CACNA1B: variants seen among roughly 807,000 people sequenced by gnomAD.
CACNA1B encodes the protein voltage-dependent N-type calcium channel subunit alpha-1B.
Under a neutral mutation model 247.2 loss-of-function variants are expected in CACNA1B, and 70 were observed. The ratio of observed to expected loss-of-function variants is 0.28; its 90% confidence interval spans 0.23 to 0.35. CACNA1B has a LOEUF of 0.35. Among genes scored for constraint, CACNA1B ranks in the 10% least tolerant of loss-of-function variants. CACNA1B has a pLI of 1.00. For synonymous variants in CACNA1B, 1,231 were observed against 1,294.4 expected, an observed-to-expected ratio of 0.95 and a Z score of 1.05; for missense variants, 2,367 against 3,197.4, an observed-to-expected ratio of 0.74 and a Z score of 6.26.
At chr9:138,095,600 A>C (rs111947612) in intron 36 of CACNA1B, among the ~76,000 whole-genome samples, 5 of 152,372 alleles carry the variant, frequency 3.3e-5, no homozygotes, top group African/African-American at 1.2e-4. Flanking sequence ...CATATGACCC[A>C]GTAATTTCAC....
chr9:138,047,105 G>A (rs949260768), intron 22 of CACNA1B, 72 bp downstream of exon 22: 3 of 1,446,790 alleles, frequency 2.1e-6, no homozygotes, highest in Non-Finnish European at 2.8e-6. Context: ...AGGGGCCCAA[G>A]GGGCTGGGGT....
At chr9:138,090,628 G>A (rs114282131) in intron 36 of CACNA1B, among the ~76,000 whole-genome samples, 2,678 of 122,138 alleles carry the variant, frequency 0.022, 87 homozygotes, top group African/African-American at 0.077. Flanking sequence ...CAGAATCAGA[G>A]AAAATATTGC....
chr9:138,112,272 G>A (rs1448388446), intron 39 of CACNA1B, 126 bp from the exon 40 acceptor site: 8 of 683,374 alleles, frequency 1.2e-5, no homozygotes, highest in Admixed American at 4.2e-5. Context: ...TTCCAGCACC[G>A]TCTGTACCCC....
chr9:137,961,528 T>C (rs1958021386), intron 10 of CACNA1B, among the ~76,000 whole-genome samples: 1 of 152,220 alleles, frequency 6.6e-6, no homozygotes, highest in Admixed American at 6.5e-5. Flanking sequence ...CTTATTATTC[T>C]GAGGTATGTC....
In CACNA1B at chr9:138,073,404, G is replaced by A; in HGVS notation, c.4675-84G>A. 2.6e-6 allele frequency: 2 copies of A among 775,306 alleles called. No homozygotes were observed. The highest frequency in any genetic ancestry group is 4.6e-6 in the Non-Finnish European group (2 of 433,134). The allele number at this position is 775,306 out of a possible 1,614,324, so 48.0% of individuals were successfully genotyped here. ...CACTTTTCTTTGGGGCCACAGGGAT[G>A]TGGGAAGAGGTTGTAGGGTGGCAGC... On this transcript the variant is annotated intron_variant, in intron 32 of 46. Coordinates refer to ENST00000371372, the MANE Select transcript of CACNA1B (RefSeq NM_000718.4). The surrounding 1 kb of genome is among the most constrained non-coding windows in gnomAD (Gnocchi z 6.4).
rs960127807 is a variant in CACNA1B, at chr9:137,882,643, T to G, written c.391-101T>G. ...AGGAGGGTCAGACCCTCACGATAGC[T>G]GTGGCCTGCACATGGTGGGGTGGGG... is the stretch of plus-strand genomic sequence containing the variant. On this transcript the variant is annotated intron_variant, in intron 2 of 46. Coordinates refer to ENST00000371372, the MANE Select transcript of CACNA1B (RefSeq NM_000718.4). This position sits in a 1 kb window ranked among gnomAD's most constrained non-coding sequence, Gnocchi z 4.0. The G allele has an allele frequency of 1.5e-6, 2 of 1,363,776 alleles. No individual in the cohort carries two copies. The allele number at this position is 1,363,776 out of a possible 1,614,324, so 84.5% of individuals were successfully genotyped here. A position where few individuals can be genotyped will look rare whatever the true frequency, so the allele number is the denominator to read the frequency against.
chr9:137,966,287 C>T (rs980691359), intron 10 of CACNA1B, among the ~76,000 whole-genome samples: 3 of 149,906 alleles, frequency 2.0e-5, no homozygotes, highest in African/African-American at 2.5e-5. Context: ...TGCAGTGGCG[C>T]GATCTTGGCT....
At chr9:137,982,062 G>A (rs1958300611) in intron 12 of CACNA1B, among the ~76,000 whole-genome samples, 1 of 152,142 alleles carries the variant, frequency 6.6e-6, no homozygotes, top group Non-Finnish European at 1.5e-5. Context: ...AATCTGTATT[G>A]ACTTTTCCTG....
In CACNA1B at chr9:137,905,757, G is replaced by A. The variant is rs370384009; in HGVS notation, c.531-7423G>A. On this transcript the variant is annotated intron_variant, in intron 3 of 46. Transcript: ENST00000371372. ...ATCATAACTCAAAAAATATTAATTC[G>A]GAAAATCTGATTTCCACAAACATTG... 2.9e-4 allele frequency among the ~76,000 whole-genome samples: 44 copies of A among 152,236 alleles called. 1 individual carries two copies. The South Asian group carries it at 4.2e-3, about 14-fold the overall frequency.
intron 31 of CACNA1B, among the ~76,000 whole-genome samples, chr9:138,060,735 C>G (rs1460631428): frequency 3.9e-5 from 6 of 152,244 alleles, no homozygotes; most frequent in African/African-American, 1.2e-4. Flanking sequence ...AGGCTCCTTC[C>G]TGTTCTGCCC....
chr9:138,086,171 A>G (rs1960687213), intron 36 of CACNA1B, among the ~76,000 whole-genome samples: 1 of 151,284 alleles, frequency 6.6e-6, no homozygotes. Flanking sequence ...AAATTCCCTC[A>G]CTTAAAGTAT....
intron 6 of CACNA1B, among the ~76,000 whole-genome samples, chr9:137,923,437 G>C (rs1476200960): frequency 2.8e-5 from 4 of 145,160 alleles, no homozygotes; most frequent in African/African-American, 8.0e-5. Flanking sequence ...GTGGTATTCC[G>C]TGGCTCCAGG....
chr9:137,961,793 T>C (rs866358154), intron 10 of CACNA1B, among the ~76,000 whole-genome samples: 28 of 152,348 alleles, frequency 1.8e-4, no homozygotes, highest in Middle Eastern at 6.8e-3. Context: ...CAGTATTTTG[T>C]TGAGGATTTT....
intron 6 of CACNA1B, among the ~76,000 whole-genome samples, chr9:137,935,679 C>T (rs1957657632): frequency 6.6e-6 from 1 of 152,254 alleles, no homozygotes; most frequent in African/African-American, 2.4e-5. Flanking sequence ...GAATTGCCCA[C>T]TGTCTTCCAC....
chr9:137,897,535 G>A (rs551328597), intron 3 of CACNA1B, among the ~76,000 whole-genome samples: 4 of 152,182 alleles, frequency 2.6e-5, no homozygotes, highest in South Asian at 2.1e-4. Context: ...AGCCGAGATC[G>A]TGCCACTGCA....
chr9:138,000,244 GC>G (rs1158247143), intron 15 of CACNA1B, among the ~76,000 whole-genome samples: 8 of 151,284 alleles, frequency 5.3e-5, no homozygotes, highest in East Asian at 3.9e-4. Flanking sequence ...GACTACAGGC[GC>G]CCGCCACTAC....
intron 20 of CACNA1B, among the ~76,000 whole-genome samples, chr9:138,027,650 A>G (rs998720455): frequency 6.6e-5 from 10 of 152,124 alleles, no homozygotes; most frequent in Admixed American, 5.9e-4. Flanking sequence ...AAGTGTTTTT[A>G]TCTGGAATAG....
intron 40 of CACNA1B, among the ~76,000 whole-genome samples, chr9:138,113,264 C>T (rs1961722497): frequency 1.4e-5 from 2 of 141,552 alleles, no homozygotes; most frequent in Non-Finnish European, 1.5e-5. Context: ...GTGCCCAACT[C>T]CATCTTATGG....
intron 18 of CACNA1B, among the ~76,000 whole-genome samples, chr9:138,015,107 G>A (rs2133426363): frequency 6.6e-6 from 1 of 152,210 alleles, no homozygotes; most frequent in East Asian, 1.9e-4. Flanking sequence ...GGAGCCAGGT[G>A]TCAGCTCCAG....
Sources: gnomAD v4.1 joint callset for allele counts (sites outside exome capture counted in the v4.1 genomes callset) on GRCh38, gnomAD v4.1.1 for gene constraint, Gnocchi (gnomAD v3.1) non-coding constraint, MANE v1.5 for transcripts, NCBI Gene and HGNC (gene_info 2026-07-23, HGNC 2026-07-21) for gene names.